The following DNAH6 variants were observed in gnomAD, a reference collection of about 807,000 sequenced individuals.
The protein encoded by DNAH6 is dynein axonemal heavy chain 6, also known as axonemal beta dynein heavy chain 6.
DNAH6 carries 340 observed loss-of-function variants against 491.4 expected under a neutral mutation model. The ratio of observed to expected loss-of-function variants is 0.69; its 90% CI spans 0.63 to 0.76. The LOEUF (loss-of-function observed/expected upper bound fraction) is 0.76, where lower values mean the gene tolerates loss of function less well. Among genes scored for constraint, DNAH6 ranks in the 30% least tolerant of loss-of-function variants. The probability of loss-of-function intolerance (pLI) is 0.00; values close to 1 mark genes in which losing one functional copy is unlikely to be tolerated. For missense variants in DNAH6, 4,443 were observed against 4,972.2 expected (o/e 0.89, Z 3.20); for synonymous variants, 1,603 against 1,686.1 (o/e 0.95, Z 1.21).
In DNAH6 at chr2:84,561,899, C is replaced by A. The variant is rs118152692; in HGVS notation, c.1803+3964C>A. On this transcript the variant is annotated intron_variant, in intron 11 of 76. Coordinates refer to ENST00000389394, the MANE Select transcript of DNAH6 (RefSeq NM_001370.2). Reference sequence around the variant, plus strand: ...AGGGAATTTGGTGCTTATTAGGAACCTACTACAGGATGAGTTTCATCTAGC... The same window carrying A: ...AGGGAATTTGGTGCTTATTAGGAACATACTACAGGATGAGTTTCATCTAGC... 5.2e-3 allele frequency among the ~76,000 whole-genome samples: 785 copies of A among 152,224 alleles called. 17 individuals are homozygous for A. In the East Asian group the frequency reaches 0.088, roughly 17 times the overall value.
chr2:84,489,701 A>G, the DNAH6 span, among the ~76,000 whole-genome samples: 9 of 64,782 alleles, frequency 1.4e-4, no homozygotes, highest in Middle Eastern at 8.1e-3. Context: ...GCTAGAATTC[A>G]CTCTGAATTG....
At chr2:84,809,027 A>G (rs1190842244) in intron 72 of DNAH6, among the ~76,000 whole-genome samples, 1 of 152,230 alleles carries the variant, frequency 6.6e-6, no homozygotes, top group Admixed American at 6.5e-5. Flanking sequence ...AATTTCTTGA[A>G]GCAGGGCCTG....
intron 11 of DNAH6, 22 bp downstream of exon 11, chr2:84,557,957 C>T: frequency 1.4e-6 from 2 of 1,481,206 alleles, no homozygotes; most frequent in South Asian, 2.4e-5. Context: ...CTGACTAAAA[C>T]TATTCTATAA....
chr2:84,534,657 A>G (rs1402940807), intron 4 of DNAH6, among the ~76,000 whole-genome samples: 6 of 152,056 alleles, frequency 3.9e-5, no homozygotes, highest in East Asian at 3.9e-4. Flanking sequence ...AAAATAAGCA[A>G]CAAGATGTTT....
At chr2:84,720,928 G>A (rs934598025) in intron 59 of DNAH6, among the ~76,000 whole-genome samples, 2 of 152,130 alleles carry the variant, frequency 1.3e-5, no homozygotes, top group Admixed American at 6.5e-5. Context: ...CTATACAGCA[G>A]GGATCAAACT....
intron 37 of DNAH6, among the ~76,000 whole-genome samples, chr2:84,668,753 TTCCTGA>T (rs1011207402): frequency 6.6e-6 from 1 of 151,820 alleles, no homozygotes; most frequent in Non-Finnish European, 1.5e-5. Flanking sequence ...CATGGAAGCC[TTCCTGA>T]ATCTCTAGCC....
rs61217837 is a variant in DNAH6, at chr2:84,683,412, A to ATTTTTTTTTTTT, written c.6917-1898_6917-1887dup. Among the ~76,000 whole-genome samples, 11 of 93,892 alleles carry ATTTTTTTTTTTT rather than the reference A, an allele frequency of 1.2e-4. 1 individual carries two copies. Among genetic ancestry groups the ATTTTTTTTTTTT allele is most frequent in the African/African-American group, 1.7e-4 (4 of 24,056 alleles). The allele number at this position is 93,892 out of a possible 152,430, so 61.6% of individuals were successfully genotyped here. A position where few individuals can be genotyped will look rare whatever the true frequency, so the allele number is the denominator to read the frequency against. ...GTGCCCTTTGTTCTACACCACTCTT[A>ATTTTTTTTTTTT]TTTTTTTTTTTTTTTTTTTTTTTTT... On this transcript the variant is annotated intron_variant, in intron 42 of 76. Coordinates refer to ENST00000389394, the MANE Select transcript of DNAH6 (RefSeq NM_001370.2).
chr2:84,604,394 C>T lies in DNAH6; in HGVS notation c.2924C>T (p.Ala975Val), dbSNP rs148924050. ...ACTTTGAAGGCAAGACATTGGGCAG[C>T]TATTGAACAAACAGTTGATGCCACT... The part of the protein sequence containing the change: ...NPTLKARHWA[A>V]IEQTVDATLV... The change falls in exon 19 of 77, where the codon GCT (alanine) becomes GTT (valine). Residue 975 changes from alanine to valine, a missense_variant. This residue lies in a region of DNAH6 where 2,977 missense variants were observed against 3,296.6 expected (regional missense o/e 0.90). Coordinates refer to ENST00000389394, the MANE Select transcript of DNAH6 (RefSeq NM_001370.2). The T allele has an allele frequency of 1.3e-6, 2 of 1,552,214 alleles. No individual in the cohort carries two copies. The highest frequency in any genetic ancestry group is 2.7e-5 in the African/African-American group (2 of 73,164).
chr2:84,688,594 G>A lies in DNAH6; in HGVS notation c.7292+1G>A, dbSNP rs866751008. 2.0e-6 allele frequency: 3 copies of A among 1,531,470 alleles called. No individual in the cohort carries two copies. The highest frequency in any genetic ancestry group is 8.8e-7 in the Non-Finnish European group (1 of 1,142,170). The allele number at this position is 1,531,470 out of a possible 1,614,324, so 94.9% of individuals were successfully genotyped here. On this transcript the variant is annotated splice_donor_variant, in intron 45 of 76. Coordinates refer to ENST00000389394, the MANE Select transcript of DNAH6 (RefSeq NM_001370.2). LOFTEE classifies it high-confidence loss of function. ...AGGATGCTATAGAACATGTTTCAAGGTATAGTGCTATAAGGCGCCCAATAA... is the reference window on the plus strand; with the variant it reads ...AGGATGCTATAGAACATGTTTCAAGATATAGTGCTATAAGGCGCCCAATAA...
the DNAH6 span, among the ~76,000 whole-genome samples, chr2:84,470,564 G>A: frequency 1.6e-4 from 25 of 152,280 alleles, no homozygotes; most frequent in Admixed American, 9.8e-4. Context: ...TAGCAGTGAG[G>A]ACAACCAGAG....
At chr2:84,702,092 C>A (rs1695964252) in intron 49 of DNAH6, among the ~76,000 whole-genome samples, 1 of 152,118 alleles carries the variant, frequency 6.6e-6, no homozygotes, top group South Asian at 2.1e-4. Context: ...TTTTGTTAAG[C>A]AATACAGATG....
At chr2:84,736,367 C>T (rs1022094131) in intron 62 of DNAH6, among the ~76,000 whole-genome samples, 6 of 152,018 alleles carry the variant, frequency 3.9e-5, no homozygotes, top group African/African-American at 1.4e-4. Flanking sequence ...ATAGTTTTTT[C>T]TAATTCTATG....
In DNAH6 at chr2:84,699,672, C is replaced by T. The variant is rs754179684; in HGVS notation, c.7756C>T (p.Arg2586Trp). Residue 2586 changes from arginine to tryptophan, a missense_variant, in exon 48 of 77, where the codon CGG becomes TGG. Physicochemically the swap from Arg to Trp is moderately radical, Grantham distance 101. This residue lies in a region of DNAH6 where 2,977 missense variants were observed against 3,296.6 expected (regional missense o/e 0.90). Transcript: ENST00000389394. The part of the protein sequence containing the change: ...LCMSPVGEAF[R>W]SRCRMFPSLV... ...CATGAGCCCAGTTGGGGAGGCCTTT[C>T]GGTCCCGATGCAGGATGTTTCCATC... is the stretch of plus-strand genomic sequence containing the variant. 17 of 1,551,672 alleles carry T rather than the reference C, an allele frequency of 1.1e-5. No homozygotes were observed. The African/African-American group carries it at 1.5e-4, about 14-fold the overall frequency.
intron 4 of DNAH6, among the ~76,000 whole-genome samples, chr2:84,533,394 G>T (rs553197607): frequency 6.6e-6 from 1 of 152,198 alleles, no homozygotes; most frequent in African/African-American, 2.4e-5. Context: ...CCATTTCTAT[G>T]ATTTTAGGGG....
At chr2:84,666,049 C>T (rs975727751) in intron 37 of DNAH6, among the ~76,000 whole-genome samples, 1 of 152,160 alleles carries the variant, frequency 6.6e-6, no homozygotes, top group Non-Finnish European at 1.5e-5. Context: ...CGAAATTCAA[C>T]AGCTCTTCAT....
intron 2 of DNAH6, among the ~76,000 whole-genome samples, chr2:84,524,518 G>A (rs1676433717): frequency 6.6e-6 from 1 of 151,970 alleles, no homozygotes; most frequent in Non-Finnish European, 1.5e-5. Context: ...TTGTGTGGTT[G>A]CTTTAAAGTG....
intron 68 of DNAH6, among the ~76,000 whole-genome samples, chr2:84,794,205 A>G (rs1004320777): frequency 1.3e-5 from 2 of 152,238 alleles, no homozygotes; most frequent in Non-Finnish European, 2.9e-5. Context: ...TAAACGTTAG[A>G]CCTAAAACCA....
chr2:84,686,048 T>C lies in DNAH6; in HGVS notation c.7064-436T>C, dbSNP rs1319566407. Reference sequence around the variant, plus strand: ...CTAAAAATCCAAAAAAATAGCTGGGTGTGGTGGTGTGCACCTATAATCTCA... The same window carrying C: ...CTAAAAATCCAAAAAAATAGCTGGGCGTGGTGGTGTGCACCTATAATCTCA... On this transcript the variant is annotated intron_variant, in intron 43 of 76. Coordinates refer to ENST00000389394, the MANE Select transcript of DNAH6 (RefSeq NM_001370.2). 3.3e-5 allele frequency among the ~76,000 whole-genome samples: 5 copies of C among 151,914 alleles called. No individual in the cohort carries two copies. The East Asian group carries it at 9.7e-4, about 29-fold the overall frequency.
At chr2:84,601,004 TATA>T (rs201229948) in intron 18 of DNAH6, among the ~76,000 whole-genome samples, 177 of 147,262 alleles carry the variant, frequency 1.2e-3, no homozygotes, top group East Asian at 0.01. Context: ...AATAATATAC[TATA>T]ATAATATTAT....
Sources: allele counts gnomAD v4.1 joint callset (sites outside exome capture counted in the v4.1 genomes callset), GRCh38; gene constraint gnomAD v4.1.1; regional missense constraint gnomAD v4.1.1; transcripts MANE v1.5; gene names NCBI Gene and HGNC (gene_info 2026-07-23, HGNC 2026-07-21).